VTI1A: variants seen among roughly 807,000 people sequenced by gnomAD.
The protein encoded by VTI1A is vesicle transport through interaction with t-SNAREs homolog 1A.
In VTI1A, 22 loss-of-function variants were observed where a neutral mutation model predicts 34.9. That is an observed-to-expected ratio of 0.63 (90% CI 0.45 to 0.90). The LOEUF (loss-of-function observed/expected upper bound fraction) is 0.90. Among genes scored for constraint, VTI1A ranks in the 40% least tolerant of loss-of-function variants. VTI1A has a pLI of 0.00. For missense variants in VTI1A, 268 were observed against 275.6 expected (o/e 0.97, Z 0.20); for synonymous variants, 87 against 97.3 (o/e 0.89, Z 0.62).
chr10:112,616,318 T>G (rs1401549198), intron 5 of VTI1A, among the ~76,000 whole-genome samples: 1 of 152,176 alleles, frequency 6.6e-6, no homozygotes, highest in Admixed American at 6.5e-5. Flanking sequence ...TGTACACACA[T>G]GTACATGTGC....
downstream of VTI1A, chr10:112,818,852 G>A (rs1853597578): frequency 5.7e-6 from 1 of 174,332 alleles, no homozygotes; most frequent in African/African-American, 2.4e-5. Context: ...TTTCCACTCC[G>A]AGCTCTGGGT....
chr10:112,699,264 C>T (rs1244215325), intron 7 of VTI1A, among the ~76,000 whole-genome samples: 2 of 152,228 alleles, frequency 1.3e-5, no homozygotes, highest in Non-Finnish European at 2.9e-5. Flanking sequence ...CAGAATTCCA[C>T]AGACGGTGTG....
intron 7 of VTI1A, among the ~76,000 whole-genome samples, chr10:112,678,277 G>A (rs758991272): frequency 3.3e-5 from 5 of 152,100 alleles, no homozygotes; most frequent in Non-Finnish European, 7.4e-5. Context: ...AATATGAAGG[G>A]TGCACTTTAC....
the VTI1A span, among the ~76,000 whole-genome samples, chr10:112,853,090 G>A: frequency 6.6e-6 from 1 of 152,158 alleles, no homozygotes; most frequent in Admixed American, 6.5e-5. Context: ...GGCCAGGGCT[G>A]TCTTTCAAAG....
intron 5 of VTI1A, among the ~76,000 whole-genome samples, chr10:112,580,009 GAA>G (rs1197954634): frequency 3.3e-5 from 5 of 151,884 alleles, no homozygotes; most frequent in African/African-American, 1.2e-4. Context: ...GACTGGGGAA[GAA>G]AAAAAGGTGG....
chr10:112,532,986 G>T (rs1341761460), intron 4 of VTI1A, among the ~76,000 whole-genome samples: 2 of 151,966 alleles, frequency 1.3e-5, no homozygotes, highest in African/African-American at 4.8e-5. Flanking sequence ...ACTTCCAAAT[G>T]CAGTCTTATT....
chr10:112,691,478 AG>A (rs763103154), intron 7 of VTI1A, among the ~76,000 whole-genome samples: 13 of 151,976 alleles, frequency 8.6e-5, no homozygotes, highest in Admixed American at 2.6e-4. Flanking sequence ...ATATGACTGT[AG>A]CAAATTTGGT....
chr10:112,610,701 G>C (rs1162083154), intron 5 of VTI1A, among the ~76,000 whole-genome samples: 21 of 152,124 alleles, frequency 1.4e-4, no homozygotes, highest in Admixed American at 1.4e-3. Context: ...CGGATCACGA[G>C]GTCAGGAGAT....
chr10:112,505,684 T>C (rs1384290301), intron 3 of VTI1A, among the ~76,000 whole-genome samples: 1 of 151,940 alleles, frequency 6.6e-6, no homozygotes, highest in Admixed American at 6.6e-5. Context: ...ATAATTTTTT[T>C]TTTTTTTGAG....
At chr10:112,594,381 C>T (rs1474865974) in intron 5 of VTI1A, among the ~76,000 whole-genome samples, 4 of 152,116 alleles carry the variant, frequency 2.6e-5, no homozygotes, top group Non-Finnish European at 5.9e-5. Flanking sequence ...TGTCACTGTT[C>T]ACAGACGACA....
At chr10:112,807,766 T>A (rs1356831780) in intron 7 of VTI1A, among the ~76,000 whole-genome samples, 4 of 151,922 alleles carry the variant, frequency 2.6e-5, no homozygotes, top group Non-Finnish European at 5.9e-5. Flanking sequence ...GGCAGGAGAA[T>A]CACTTGAACC....
At chr10:112,595,974 A>C (rs185458793) in intron 5 of VTI1A, among the ~76,000 whole-genome samples, 6 of 152,162 alleles carry the variant, frequency 3.9e-5, no homozygotes. Context: ...ATGGAATACT[A>C]TGCAGCCATA....
At chr10:112,777,504 G>A (rs576207676) in intron 7 of VTI1A, among the ~76,000 whole-genome samples, 2 of 152,340 alleles carry the variant, frequency 1.3e-5, no homozygotes, top group Admixed American at 6.5e-5. Context: ...AGCACTGTGA[G>A]GAAAGGCCAT....
At chr10:112,658,109 A>G (rs756684825) in intron 5 of VTI1A, among the ~76,000 whole-genome samples, 12 of 152,002 alleles carry the variant, frequency 7.9e-5, no homozygotes, top group Non-Finnish European at 8.8e-5. Flanking sequence ...TTTCCCAGAG[A>G]CAGGGTCTCA....
intron 3 of VTI1A, among the ~76,000 whole-genome samples, chr10:112,518,674 C>T (rs565548998): frequency 8.5e-4 from 126 of 148,990 alleles, no homozygotes; most frequent in African/African-American, 1.9e-3. Flanking sequence ...TATATACACA[C>T]ACACACACAT....
chr10:112,830,845 A>AT, the VTI1A span, among the ~76,000 whole-genome samples: 29 of 42,006 alleles, frequency 6.9e-4, no homozygotes, highest in Admixed American at 2.1e-3. Flanking sequence ...ATATATATAT[A>AT]TATATTTTTT....
chr10:112,746,559 G>T (rs1850904575), intron 7 of VTI1A, among the ~76,000 whole-genome samples: 1 of 152,230 alleles, frequency 6.6e-6, no homozygotes, highest in Admixed American at 6.5e-5. Flanking sequence ...TGTTCCAGAA[G>T]AAAGACAGGA....
chr10:112,700,116 T>TGAAAA (rs1848949156), intron 7 of VTI1A, among the ~76,000 whole-genome samples: 2 of 61,864 alleles, frequency 3.2e-5, no homozygotes, highest in South Asian at 6.0e-4. Context: ...AGACTCCATC[T>TGAAAA]CAAAAAAAAA....
the VTI1A span, among the ~76,000 whole-genome samples, chr10:112,834,350 C>T: frequency 1.3e-5 from 2 of 152,186 alleles, no homozygotes; most frequent in Non-Finnish European, 2.9e-5. Flanking sequence ...TGGGAATAAG[C>T]AATTCTTGGC....
Sources: gnomAD v4.1 joint callset for allele counts (sites outside exome capture counted in the v4.1 genomes callset) on GRCh38, gnomAD v4.1.1 for gene constraint, MANE v1.5 for transcripts, NCBI Gene and HGNC (gene_info 2026-07-23, HGNC 2026-07-21) for gene names.